Variants in PRPS1 observed in about 807,000 individuals in gnomAD.
The protein encoded by PRPS1 is ribose-phosphate pyrophosphokinase 1.
In PRPS1, 1 loss-of-function variant was observed where a neutral mutation model predicts 16.9. That is an observed-to-expected ratio of 0.06 (90% CI 0.02 to 0.28). The LOEUF (loss-of-function observed/expected upper bound fraction) is 0.28. Among genes scored for constraint, PRPS1 ranks in the 10% least tolerant of loss-of-function variants. The pLI is 1.00. For missense variants in PRPS1, 47 were observed against 254.0 expected, an observed-to-expected ratio of 0.19 and a Z score of 5.54; for synonymous variants, 70 against 90.2, an observed-to-expected ratio of 0.78 and a Z score of 1.27.
chrX:107,631,584 G>T (rs1370273082), intron 1 of PRPS1, among the ~76,000 whole-genome samples: 1 of 111,973 alleles, frequency 8.9e-6, no homozygotes, highest in African/African-American at 3.2e-5. Context: ...TTAAGTTAAA[G>T]GGTAGATACC....
In PRPS1 at chrX:107,636,905, A is replaced by G. The variant is rs1259805540; in HGVS notation, c.123-2390A>G. On this transcript the variant is annotated intron_variant, in intron 1 of 6. Coordinates refer to ENST00000372435, the MANE Select transcript of PRPS1 (RefSeq NM_002764.4). The stretch of plus-strand genomic sequence containing the variant: ...TAGTTCCTGAAGCCACACAGAAGAT[A>G]GTGCTTAGAGTGAGATAGAAGTATG... Among the ~76,000 whole-genome samples the G allele has an allele frequency of 2.7e-5, 3 of 112,252 alleles. No homozygotes were observed. The East Asian group carries it at 8.4e-4, about 31-fold the overall frequency.
In PRPS1 at chrX:107,628,749, T is replaced by C; in HGVS notation, c.121T>C (p.Cys41Arg). ...VTKKFSNQET[C>R]VEIGESVRGE... ...TAAGAAATTCAGCAACCAGGAGACC[T>C]GGTAAGGACCAAGTTGGGACCCTGA... Residue 41 changes from cysteine (C) to arginine (R), a missense_variant and splice_region_variant, in exon 1 of 7, where the codon TGT (cysteine) becomes CGT (arginine). Physicochemically the swap from Cys to Arg is radical, Grantham distance 180. Around this residue, in one of 3 missense-constraint regions of PRPS1, gnomAD observed 19 missense variants for 155.6 expected, o/e 0.12. Transcript: ENST00000372435. 8.3e-7 allele frequency: 1 copy of C among 1,211,139 alleles called. No individual in the cohort carries two copies. Among genetic ancestry groups the C allele is most frequent in the Non-Finnish European group, 1.1e-6 (1 of 895,316 alleles).
Position 107,641,824 on chromosome X carries a change from T to C in PRPS1, c.406-542T>C, listed in dbSNP as rs756243850. Among the ~76,000 whole-genome samples the C allele has an allele frequency of 2.7e-5, 3 of 112,666 alleles. No individual in the cohort carries two copies. In the East Asian group the frequency reaches 8.3e-4, roughly 31 times the overall value. On this transcript the variant is annotated intron_variant, in intron 3 of 6. Coordinates refer to ENST00000372435, the MANE Select transcript of PRPS1 (RefSeq NM_002764.4). ...TCAATGAAGTACATTGGACAGGGAC[T>C]GTACTCCTTTTATGGAAAGGAATGA... is the stretch of plus-strand genomic sequence containing the variant.
Position 107,647,639 on chromosome X carries a change from C to T in PRPS1, c.738C>T (p.Ala246=), listed in dbSNP as rs1925730562. The T allele has an allele frequency of 8.3e-7, 1 of 1,209,384 alleles. No individual in the cohort carries two copies. Among genetic ancestry groups the T allele is most frequent in the Non-Finnish European group, 1.1e-6 (1 of 894,979 alleles). The change falls in exon 6 of 7, where the codon GCC becomes GCT. Residue 246 remains alanine, a synonymous_variant. Coordinates refer to ENST00000372435, the MANE Select transcript of PRPS1 (RefSeq NM_002764.4). The part of the protein sequence containing the change: ...LLSAGATRVY[A]ILTHGIFSGP... Reference sequence around the variant, plus strand: ...CAGCTGGCGCCACCAGAGTTTATGCCATCTTGACTCATGGAATCTTCTCCG... The same window carrying T: ...CAGCTGGCGCCACCAGAGTTTATGCTATCTTGACTCATGGAATCTTCTCCG...
At chrX:107,633,825 G>T (rs770411841) in intron 1 of PRPS1, among the ~76,000 whole-genome samples, 2 of 111,027 alleles carry the variant, frequency 1.8e-5, no homozygotes, top group Non-Finnish European at 3.8e-5. Flanking sequence ...TACTTGGGTG[G>T]CTGAGGCAGG....
Sources: allele counts gnomAD v4.1 joint callset (sites outside exome capture counted in the v4.1 genomes callset), GRCh38; gene constraint gnomAD v4.1.1; regional missense constraint gnomAD v4.1.1; transcripts MANE v1.5; gene names NCBI Gene and HGNC (gene_info 2026-07-23, HGNC 2026-07-21).